The following CDH13 variants were observed in gnomAD, a reference collection of about 807,000 sequenced individuals.
CDH13 encodes the protein cadherin 13.
In CDH13, 24 loss-of-function variants were observed where a neutral mutation model predicts 63.8. That is an observed-to-expected ratio of 0.38 (90% CI 0.27 to 0.53). The LOEUF (loss-of-function observed/expected upper bound fraction) is 0.53, where lower values mean the gene tolerates loss of function less well. Ranked by LOEUF, CDH13 falls within the 20% of genes least tolerant of loss-of-function variation. The probability of loss-of-function intolerance (pLI) is 0.85; values close to 1 mark genes in which losing one functional copy is unlikely to be tolerated. For synonymous variants in CDH13, 503 were observed against 355.3 expected (o/e 1.42, Z -4.67); for missense variants, 1,049 against 903.1 (o/e 1.16, Z -2.07).
chr16:82,881,414 C>T (rs185860951), intron 2 of CDH13, among the ~76,000 whole-genome samples: 10 of 152,224 alleles, frequency 6.6e-5, no homozygotes, highest in African/African-American at 2.4e-4. Context: ...ATCACAGGGA[C>T]TCTGAAGCCA....
chr16:82,803,827 T>C (rs1197675317), intron 1 of CDH13, among the ~76,000 whole-genome samples: 2 of 152,108 alleles, frequency 1.3e-5, no homozygotes, highest in African/African-American at 4.8e-5. Context: ...AAAGGGGAAA[T>C]TTATTGCTCA....
At chr16:83,318,088 A>G (rs2090143529) in intron 5 of CDH13, among the ~76,000 whole-genome samples, 1 of 152,224 alleles carries the variant, frequency 6.6e-6, no homozygotes, top group African/African-American at 2.4e-5. Flanking sequence ...TACCTATCCC[A>G]TAGAGTAACT....
intron 7 of CDH13, among the ~76,000 whole-genome samples, chr16:83,580,728 C>T (rs1470058843): frequency 6.6e-6 from 1 of 152,058 alleles, no homozygotes; most frequent in Admixed American, 6.6e-5. Flanking sequence ...AACTCCTGAG[C>T]TCAGGTGATT....
chr16:83,780,232 C>T (rs992316540), intron 12 of CDH13, 31 bp downstream of exon 12: 8 of 1,389,762 alleles, frequency 5.8e-6, no homozygotes, highest in South Asian at 2.5e-5. Flanking sequence ...TCTGCCTATT[C>T]TTCCAGCTTT....
intron 1 of CDH13, among the ~76,000 whole-genome samples, chr16:82,676,784 T>C (rs1913961722): frequency 1.3e-5 from 2 of 152,206 alleles, no homozygotes. Context: ...CTCTACACTT[T>C]CAACTCCAGC....
chr16:83,644,698 A>G (rs8060190), intron 8 of CDH13, among the ~76,000 whole-genome samples: 132,727 of 152,218 alleles, frequency 0.87, 57,923 homozygotes, highest in African/African-American at 0.91. Context: ...TCTGGTACTC[A>G]AGCGCAGAGC....
chr16:83,537,480 AT>A (rs2075214940), intron 7 of CDH13, among the ~76,000 whole-genome samples: 1 of 152,182 alleles, frequency 6.6e-6, no homozygotes, highest in South Asian at 2.1e-4. Flanking sequence ...TAGTTATATG[AT>A]TGTTTAATTC....
At chr16:83,321,101 AT>A (rs2151894436) in intron 5 of CDH13, among the ~76,000 whole-genome samples, 1 of 152,340 alleles carries the variant, frequency 6.6e-6, no homozygotes, top group Non-Finnish European at 1.5e-5. Context: ...ATAGAAGGAG[AT>A]TGAAATTAAG....
chr16:82,701,643 T>G (rs1001894122), intron 1 of CDH13, among the ~76,000 whole-genome samples: 2 of 152,128 alleles, frequency 1.3e-5, no homozygotes, highest in Non-Finnish European at 2.9e-5. Flanking sequence ...ATCACATGTC[T>G]CATTGTGGTG....
At chr16:82,806,279 T>A (rs1293073684) in intron 1 of CDH13, among the ~76,000 whole-genome samples, 26 of 152,222 alleles carry the variant, frequency 1.7e-4, no homozygotes. Flanking sequence ...GTCTGCTATT[T>A]GTCTCCTCTT....
At chr16:83,502,069 C>T (rs1416620839) in intron 7 of CDH13, among the ~76,000 whole-genome samples, 1 of 152,206 alleles carries the variant, frequency 6.6e-6, no homozygotes, top group Non-Finnish European at 1.5e-5. Flanking sequence ...TAAAATGGAA[C>T]TCATAGCACG....
intron 7 of CDH13, among the ~76,000 whole-genome samples, chr16:83,495,877 A>T (rs921622201): frequency 1.3e-5 from 2 of 152,174 alleles, no homozygotes; most frequent in Non-Finnish European, 2.9e-5. Context: ...AGACAAACAG[A>T]GAGCCAAATC....
chr16:83,081,170 C>T lies in CDH13; in HGVS notation c.367-44215C>T, dbSNP rs9925323. On this transcript the variant is annotated intron_variant, in intron 3 of 13. Coordinates refer to ENST00000567109, the MANE Select transcript of CDH13 (RefSeq NM_001257.5). ...TGCTGGGATTATAAGCATGAGCCAC[C>T]GCACCTGGCAAGATAGAGTCTTTTA... Among the ~76,000 whole-genome samples, 208 of 151,936 alleles carry T rather than the reference C, an allele frequency of 1.4e-3. 2 individuals are homozygous for T. Among genetic ancestry groups the T allele is most frequent in the African/African-American group, 4.1e-3 (172 of 41,458 alleles).
intron 10 of CDH13, among the ~76,000 whole-genome samples, chr16:83,723,383 C>G (rs9929930): frequency 0.53 from 80,599 of 152,092 alleles, 21,892 homozygotes; most frequent in Middle Eastern, 0.62. Context: ...TTTGAGTGTG[C>G]TTTTGTCTGA....
At chr16:82,996,513 C>T (rs147555501) in intron 2 of CDH13, among the ~76,000 whole-genome samples, 17 of 152,276 alleles carry the variant, frequency 1.1e-4, no homozygotes, top group African/African-American at 3.8e-4. Context: ...TCTTGACAAG[C>T]ACTCTTTGGA....
chr16:83,626,997 A>G (rs888085742), intron 8 of CDH13, among the ~76,000 whole-genome samples: 1 of 151,902 alleles, frequency 6.6e-6, no homozygotes, highest in Non-Finnish European at 1.5e-5. Context: ...AAAGATTCCT[A>G]TTCAGCCAGG....
chr16:83,386,223 G>C (rs538218127), intron 6 of CDH13, among the ~76,000 whole-genome samples: 5 of 152,302 alleles, frequency 3.3e-5, no homozygotes, highest in Admixed American at 2.6e-4. Flanking sequence ...AACCAGCCCA[G>C]AGCCACATGG....
intron 2 of CDH13, among the ~76,000 whole-genome samples, chr16:82,875,581 A>T (rs961703450): frequency 6.6e-6 from 1 of 152,204 alleles, no homozygotes; most frequent in Non-Finnish European, 1.5e-5. Flanking sequence ...TTTTGTTTTA[A>T]TGTGTCACAG....
At chr16:82,861,348 A>C (rs2039937731) in intron 2 of CDH13, among the ~76,000 whole-genome samples, 1 of 152,208 alleles carries the variant, frequency 6.6e-6, no homozygotes, top group Non-Finnish European at 1.5e-5. Context: ...GGGTGTAAAC[A>C]CAGCATAATC....
Sources: allele counts gnomAD v4.1 joint callset (sites outside exome capture counted in the v4.1 genomes callset), GRCh38; gene constraint gnomAD v4.1.1; transcripts MANE v1.5; gene names NCBI Gene and HGNC (gene_info 2026-07-23, HGNC 2026-07-21).